DIAPH2: variants seen among roughly 807,000 people sequenced by gnomAD.
The protein encoded by DIAPH2 is diaphanous related formin 2, also known as protein diaphanous homolog 2.
In DIAPH2, 35 loss-of-function variants were observed where a neutral mutation model predicts 92.7. The ratio of observed to expected loss-of-function variants is 0.38; its 90% CI spans 0.29 to 0.50. The LOEUF is 0.50. Ranked by LOEUF, DIAPH2 falls within the 20% of genes least tolerant of loss-of-function variation. The pLI, the probability that DIAPH2 is intolerant of heterozygous loss-of-function variation, is 0.94. For synonymous variants in DIAPH2, 301 were observed against 280.4 expected (o/e 1.07, Z -0.73); for missense variants, 701 against 819.5 (o/e 0.86, Z 1.77).
intron 20 of DIAPH2, among the ~76,000 whole-genome samples, chrX:97,111,370 C>T (rs185331037): frequency 1.8e-5 from 2 of 111,878 alleles, no homozygotes; most frequent in East Asian, 5.7e-4. Context: ...CCCCTGCTGC[C>T]TTAGTCCCTG....
chrX:96,986,088 T>C (rs2066030044), intron 17 of DIAPH2, among the ~76,000 whole-genome samples: 2 of 111,841 alleles, frequency 1.8e-5, no homozygotes, highest in African/African-American at 6.5e-5. Context: ...TTTTGTCAAA[T>C]TCGTTATTAA....
In DIAPH2 at chrX:97,373,980, T is replaced by G. The variant is rs188316678; in HGVS notation, c.3010-9929T>G. ...GGAGACCAGTGGGGCTGGAAGAGAA[T>G]AGCTGAGGAAGAGATGAGGACAGAG... is the stretch of plus-strand genomic sequence containing the variant. On this transcript the variant is annotated intron_variant, in intron 24 of 26. Transcript: ENST00000324765. Among the ~76,000 whole-genome samples, 3 of 110,171 alleles carry G rather than the reference T, an allele frequency of 2.7e-5. No individual in the cohort carries two copies. The East Asian group carries it at 8.6e-4, about 32-fold the overall frequency.
At chrX:97,428,201 CA>C (rs1295399403) in intron 25 of DIAPH2, among the ~76,000 whole-genome samples, 5 of 110,676 alleles carry the variant, frequency 4.5e-5, no homozygotes, top group African/African-American at 1.6e-4. Context: ...AGAACATAAT[CA>C]AAAAATATTT....
chrX:96,698,036 GA>G (rs916366180), intron 1 of DIAPH2, among the ~76,000 whole-genome samples: 130 of 107,652 alleles, frequency 1.2e-3, no homozygotes, highest in Non-Finnish European at 2.1e-3. Context: ...CACCACTGGG[GA>G]AAAAAAAAAT....
At chrX:97,187,692 A>T (rs920254644) in intron 22 of DIAPH2, among the ~76,000 whole-genome samples, 8 of 111,102 alleles carry the variant, frequency 7.2e-5, no homozygotes, top group African/African-American at 2.6e-4. Flanking sequence ...AAAATATAAG[A>T]GACTGGGGAA....
intron 23 of DIAPH2, among the ~76,000 whole-genome samples, chrX:97,301,070 G>T (rs774345626): frequency 1.6e-3 from 160 of 102,230 alleles, no homozygotes; most frequent in African/African-American, 5.3e-3. Flanking sequence ...TTGGGAGGCC[G>T]AGGTGGGCGG....
chrX:96,782,156 A>G (rs1415405833), intron 4 of DIAPH2, among the ~76,000 whole-genome samples: 8 of 111,818 alleles, frequency 7.2e-5, no homozygotes, highest in African/African-American at 2.6e-4. Context: ...CTGGAGTGCA[A>G]TGGCACAGTC....
intron 22 of DIAPH2, among the ~76,000 whole-genome samples, chrX:97,185,508 T>TATAC (rs2067596034): frequency 1.6e-5 from 1 of 60,733 alleles, no homozygotes; most frequent in African/African-American, 6.7e-5. Flanking sequence ...TATATATATA[T>TATAC]ATATATATAT....
At chrX:96,967,382 ATATT>A (rs747750269) in intron 17 of DIAPH2, among the ~76,000 whole-genome samples, 68 of 91,624 alleles carry the variant, frequency 7.4e-4, no homozygotes, top group Admixed American at 1.1e-3. Context: ...TTTTATTTTT[ATATT>A]TATTTATTTA....
chrX:96,825,334 T>C (rs6620182), intron 4 of DIAPH2, among the ~76,000 whole-genome samples: 10,785 of 107,898 alleles, frequency 0.1, 531 homozygotes, highest in East Asian at 0.32. Context: ...TGTAAATTGT[T>C]TGATTACTAC....
At chrX:97,290,770 G>A (rs895490214) in intron 23 of DIAPH2, among the ~76,000 whole-genome samples, 11 of 111,975 alleles carry the variant, frequency 9.8e-5, no homozygotes, top group African/African-American at 3.2e-4. Context: ...TTCTACAATG[G>A]CTTTAAGAAA....
intron 22 of DIAPH2, among the ~76,000 whole-genome samples, chrX:97,184,346 T>C (rs1353282065): frequency 6.2e-5 from 7 of 112,315 alleles, no homozygotes; most frequent in Admixed American, 2.8e-4. Flanking sequence ...ATTCTATTAC[T>C]GTGTCATGTC....
chrX:96,884,065 A>G (rs1440750260), intron 5 of DIAPH2: 2 of 345,663 alleles, frequency 5.8e-6, no homozygotes, highest in African/African-American at 2.6e-5. Context: ...GGGAAGGATT[A>G]TGCGATCAGG....
intron 23 of DIAPH2, among the ~76,000 whole-genome samples, chrX:97,263,488 G>A (rs1169180820): frequency 3.6e-5 from 4 of 111,471 alleles, no homozygotes; most frequent in Admixed American, 1.9e-4. Context: ...TGTGCTAGGC[G>A]TTTTATTAGG....
intron 3 of DIAPH2, among the ~76,000 whole-genome samples, chrX:96,745,138 G>A (rs181783412): frequency 1.4e-3 from 150 of 109,077 alleles, no homozygotes; most frequent in African/African-American, 4.7e-3. Flanking sequence ...TCCCGAGTAG[G>A]TGGGATTACA....
intron 17 of DIAPH2, among the ~76,000 whole-genome samples, chrX:97,031,487 CT>C (rs1051518487): frequency 3.6e-5 from 4 of 111,443 alleles, no homozygotes; most frequent in African/African-American, 9.8e-5. Context: ...GTATTCCCAT[CT>C]TTTGTTCAAG....
At chrX:97,189,685 A>T (rs753872281) in intron 22 of DIAPH2, among the ~76,000 whole-genome samples, 6 of 112,342 alleles carry the variant, frequency 5.3e-5, no homozygotes, top group East Asian at 2.8e-4. Flanking sequence ...AGCAATTTTT[A>T]AAAAATCCCT....
At chrX:97,282,133 G>T (rs1434197016) in intron 23 of DIAPH2, among the ~76,000 whole-genome samples, 1 of 111,466 alleles carries the variant, frequency 9.0e-6, no homozygotes, top group Non-Finnish European at 1.9e-5. Flanking sequence ...TATACCCTCA[G>T]AGTTCAACAG....
intron 26 of DIAPH2, among the ~76,000 whole-genome samples, chrX:97,595,578 CTCTCTTTCTTTCTTTCTT>C (rs2071545398): frequency 9.4e-6 from 1 of 106,050 alleles, no homozygotes; most frequent in East Asian, 2.9e-4. Context: ...TTTCTTTTTC[CTCTCTTTCTTTCTTTCTT>C]TCTCTTTCTT....
Sources: allele counts gnomAD v4.1 joint callset (sites outside exome capture counted in the v4.1 genomes callset), GRCh38; gene constraint gnomAD v4.1.1; transcripts MANE v1.5; gene names NCBI Gene and HGNC (gene_info 2026-07-23, HGNC 2026-07-21).